CUX1: variants seen among roughly 807,000 people sequenced by gnomAD.
CUX1 encodes cut like homeobox 1, also known as protein CASP.
In CUX1, 31 loss-of-function variants were observed where a neutral mutation model predicts 158.8. The ratio of observed to expected loss-of-function variants is 0.20; its 90% CI spans 0.15 to 0.26. CUX1 has a LOEUF of 0.26. CUX1 is among the 10% of genes least tolerant of loss of function. The pLI is 1.00. For missense variants in CUX1, 1,589 were observed against 2,014.6 expected (o/e 0.79, Z 4.04); for synonymous variants, 879 against 862.1 (o/e 1.02, Z -0.34).
At chr7:101,918,065 C>G in intron 2 of CUX1, among the ~76,000 whole-genome samples, 1 of 152,192 alleles carries the variant, frequency 6.6e-6, no homozygotes. Flanking sequence ...CAAGGCCATC[C>G]TTCAGAGGCC....
At chr7:102,053,127 G>A (rs1431240405) in intron 3 of CUX1, among the ~76,000 whole-genome samples, 2 of 152,062 alleles carry the variant, frequency 1.3e-5, no homozygotes, top group Non-Finnish European at 2.9e-5. Context: ...ATGTCTTTTT[G>A]ATGCTAGTCA....
At chr7:101,989,086 C>G (rs919939963) in intron 2 of CUX1, among the ~76,000 whole-genome samples, 12 of 152,148 alleles carry the variant, frequency 7.9e-5, no homozygotes, top group Non-Finnish European at 1.3e-4. Context: ...CCATCAGATT[C>G]TGCTCCTCCT....
chr7:102,202,350 G>A, intron 18 of CUX1, 146 bp downstream of exon 18: 1 of 1,144,406 alleles, frequency 8.7e-7, no homozygotes, highest in Non-Finnish European at 1.2e-6. Flanking sequence ...AGACTTCCAA[G>A]GTGCGGCTGG....
At chr7:102,198,237 G>A (rs1317403425) in intron 15 of CUX1, among the ~76,000 whole-genome samples, 1 of 152,196 alleles carries the variant, frequency 6.6e-6, no homozygotes, top group African/African-American at 2.4e-5. Context: ...TCCAGTCTGG[G>A]CAACAGAGTG....
Position 102,251,579 on chromosome 7 carries a change from G to C in CUX1, c.*2537G>C, listed in dbSNP as rs782388318. 6 of 985,268 alleles carry C rather than the reference G, an allele frequency of 6.1e-6. No individual in the cohort carries two copies. Among genetic ancestry groups the C allele is most frequent in the Non-Finnish European group, 7.2e-6 (6 of 829,940 alleles). 61.0% of individuals were successfully genotyped at this position (985,268 alleles called of 1,614,324 possible). ...CTTGAAATCCAGTTCAGGGAGAAGA[G>C]AATTCAAAATTAGAGGAGCTTAAGG... On this transcript the variant is annotated 3_prime_UTR_variant, in exon 24 of 24. Transcript: ENST00000292535.
intron 20 of CUX1, among the ~76,000 whole-genome samples, chr7:102,225,538 G>A (rs1157560867): frequency 6.6e-6 from 1 of 152,198 alleles, no homozygotes; most frequent in Non-Finnish European, 1.5e-5. Flanking sequence ...TTGACTGAGT[G>A]ACCTGCTAGG....
intron 14 of CUX1, among the ~76,000 whole-genome samples, chr7:102,264,161 G>A (rs888422728): frequency 6.0e-5 from 9 of 149,832 alleles, no homozygotes; most frequent in South Asian, 2.1e-4. Flanking sequence ...GCCCACCACC[G>A]CGCCCGGCTA....
intron 3 of CUX1, among the ~76,000 whole-genome samples, chr7:102,054,442 C>T (rs559347117): frequency 1.3e-5 from 2 of 152,278 alleles, no homozygotes; most frequent in Admixed American, 1.3e-4. Flanking sequence ...TGTCATGTCA[C>T]TCTTGTCAAA....
chr7:102,216,847 TCTCC>T (rs1488760730), intron 20 of CUX1, among the ~76,000 whole-genome samples: 1 of 143,260 alleles, frequency 7.0e-6, no homozygotes, highest in Non-Finnish European at 1.5e-5. Flanking sequence ...ACACATTCTC[TCTCC>T]CTCACACACA....
At chr7:101,999,891 T>C (rs1816461158) in intron 2 of CUX1, among the ~76,000 whole-genome samples, 2 of 152,002 alleles carry the variant, frequency 1.3e-5, no homozygotes, top group Non-Finnish European at 2.9e-5. Flanking sequence ...CGTGCGTGTG[T>C]GTGTGCGTGT....
At position 101,880,293 on chromosome 7, in the gene CUX1, G is replaced by A. The variant is rs116285209; in HGVS notation, c.31-35822G>A. 8.5e-3 allele frequency among the ~76,000 whole-genome samples: 1,292 copies of A among 152,216 alleles called. 15 individuals carry two copies. Among genetic ancestry groups the A allele is most frequent in the African/African-American group, 0.03 (1,239 of 41,516 alleles). On this transcript the variant is annotated intron_variant, in intron 1 of 23. Transcript: ENST00000292535. ...TGGATTAAAGCTCGTTGGCAATTTC[G>A]GAAGTTCACGTTCTTGAGACTCGGT... is the stretch of plus-strand genomic sequence containing the variant.
Position 102,063,603 on chromosome 7 carries a change from G to A in CUX1, c.190-6736G>A, listed in dbSNP as rs533928505. ...AGACGAGGTTTCACCATGTTGGCCA[G>A]GCTGGTCTCGAACTCCTGACCTCAA... On this transcript the variant is annotated intron_variant, in intron 3 of 23. Transcript: ENST00000292535. Among the ~76,000 whole-genome samples the A allele has an allele frequency of 2.9e-3, 438 of 152,106 alleles. 3 individuals carry two copies. Among genetic ancestry groups the A allele is most frequent in the African/African-American group, 0.01 (422 of 41,524 alleles).
chr7:101,984,812 G>A (rs911780984), intron 2 of CUX1, among the ~76,000 whole-genome samples: 41 of 152,052 alleles, frequency 2.7e-4, no homozygotes, highest in South Asian at 4.2e-4. Flanking sequence ...ATATGAATAC[G>A]AGGGCATGGC....
chr7:102,183,780 T>C (rs1388104763), intron 11 of CUX1, among the ~76,000 whole-genome samples: 1 of 152,224 alleles, frequency 6.6e-6, no homozygotes, highest in Non-Finnish European at 1.5e-5. Context: ...CAGATGCCAC[T>C]CTGCCCCCAC....
intron 8 of CUX1, among the ~76,000 whole-genome samples, chr7:102,121,962 G>T (rs1441497082): frequency 1.3e-5 from 2 of 152,108 alleles, no homozygotes; most frequent in Non-Finnish European, 2.9e-5. Context: ...ACAAGCCCCC[G>T]TTGTATTTAC....
intron 10 of CUX1, 43 bp from the exon 11 acceptor site, chr7:102,178,426 C>T (rs781833262): frequency 6.5e-7 from 1 of 1,547,896 alleles, no homozygotes; most frequent in South Asian, 1.2e-5. Context: ...GAGCACCCGC[C>T]TCAAGGCCAG....
intron 6 of CUX1, 103 bp downstream of exon 6, chr7:102,104,562 T>A: frequency 6.8e-7 from 1 of 1,461,406 alleles, no homozygotes; most frequent in Non-Finnish European, 9.3e-7. Flanking sequence ...AAGCCCAGGT[T>A]GTAACCCCAA....
chr7:101,959,395 C>G (rs1205397437), intron 2 of CUX1: 2 of 152,102 alleles, frequency 1.3e-5, no homozygotes, highest in Non-Finnish European at 2.9e-5. Flanking sequence ...TCTCTCCCTC[C>G]TATCCCAGAT....
At chr7:101,842,834 A>G (rs1258545080) in intron 1 of CUX1, among the ~76,000 whole-genome samples, 1 of 135,740 alleles carries the variant, frequency 7.4e-6, no homozygotes, top group Non-Finnish European at 1.6e-5. Context: ...TATGTTTTTC[A>G]TGTTAAATTC....
Sources: allele counts gnomAD v4.1 joint callset (sites outside exome capture counted in the v4.1 genomes callset), GRCh38; gene constraint gnomAD v4.1.1; transcripts MANE v1.5; gene names NCBI Gene and HGNC (gene_info 2026-07-23, HGNC 2026-07-21).